PRKX: variants seen among roughly 807,000 people sequenced by gnomAD.
PRKX encodes the protein cAMP-dependent protein kinase catalytic subunit PRKX.
A neutral mutation model predicts 22.0 loss-of-function variants in PRKX; 12 were observed. The ratio of observed to expected loss-of-function variants is 0.54; its 90% confidence interval spans 0.35 to 0.88. The LOEUF (loss-of-function observed/expected upper bound fraction) is 0.88, where lower values mean the gene tolerates loss of function less well. Among genes scored for constraint, PRKX ranks in the 40% least tolerant of loss-of-function variants. The pLI is 0.01. For synonymous variants in PRKX, 134 were observed against 137.7 expected (o/e 0.97, Z 0.19); for missense variants, 217 against 308.0 (o/e 0.70, Z 2.21).
At chrX:3,645,832 G>A (rs975246079) in intron 3 of PRKX, among the ~76,000 whole-genome samples, 2 of 112,406 alleles carry the variant, frequency 1.8e-5, no homozygotes, top group African/African-American at 6.5e-5. Flanking sequence ...TACTCAGGAG[G>A]CTGAGGGAGG....
intron 1 of PRKX, among the ~76,000 whole-genome samples, chrX:3,688,233 G>C (rs766919148): frequency 0.078 from 7,751 of 99,065 alleles, 587 homozygotes; most frequent in East Asian, 0.25. Flanking sequence ...ATGATCTGAG[G>C]CCAAGAGTTC....
chrX:3,630,367 T>G (rs771267105), intron 4 of PRKX, among the ~76,000 whole-genome samples: 1 of 111,160 alleles, frequency 9.0e-6, no homozygotes, highest in Non-Finnish European at 1.9e-5. Flanking sequence ...GAGACCATCC[T>G]GGCTAACACA....
chrX:3,700,737 C>A (rs1053159191), intron 1 of PRKX, among the ~76,000 whole-genome samples: 1 of 83,772 alleles, frequency 1.2e-5, no homozygotes, highest in East Asian at 2.9e-4. Flanking sequence ...TGCCACCACG[C>A]CCAGCTAATT....
chrX:3,613,322 C>T (rs758514633), intron 7 of PRKX, among the ~76,000 whole-genome samples: 2 of 109,603 alleles, frequency 1.8e-5, no homozygotes. Context: ...ATGCATGTAT[C>T]CATGTGGGTT....
At chrX:3,685,679 G>T (rs1273820483) in intron 1 of PRKX, among the ~76,000 whole-genome samples, 2 of 110,203 alleles carry the variant, frequency 1.8e-5, no homozygotes, top group Non-Finnish European at 3.8e-5. Context: ...GGGTGATTTT[G>T]TTGTATGTAC....
At chrX:3,640,590 G>C (rs1460578636) in intron 4 of PRKX, among the ~76,000 whole-genome samples, 2 of 111,801 alleles carry the variant, frequency 1.8e-5, no homozygotes, top group African/African-American at 6.5e-5. Flanking sequence ...TGTGGTTGCA[G>C]GGTGGATGGC....
At chrX:3,625,395 C>T (rs1468360515) in intron 5 of PRKX, among the ~76,000 whole-genome samples, 1 of 111,515 alleles carries the variant, frequency 9.0e-6, no homozygotes, top group Non-Finnish European at 1.9e-5. Flanking sequence ...GAAAATAGAC[C>T]ATGGAAAAGA....
At chrX:3,628,016 G>A (rs769791453) in intron 4 of PRKX, among the ~76,000 whole-genome samples, 2 of 110,822 alleles carry the variant, frequency 1.8e-5, no homozygotes, top group Non-Finnish European at 3.8e-5. Flanking sequence ...CAGATGAGCA[G>A]ATAGGTAAAG....
At chrX:3,649,052 A>C (rs1927255323) in intron 3 of PRKX, among the ~76,000 whole-genome samples, 1 of 112,123 alleles carries the variant, frequency 8.9e-6, no homozygotes, top group African/African-American at 3.2e-5. Flanking sequence ...AAGGTTGAGC[A>C]TCTTTAATCC....
intron 5 of PRKX, among the ~76,000 whole-genome samples, chrX:3,623,690 G>A (rs1926605114): frequency 9.0e-6 from 1 of 111,626 alleles, no homozygotes; most frequent in Non-Finnish European, 1.9e-5. Flanking sequence ...AGCTGTAGAT[G>A]GGTCCCTTGA....
rs369361329 is a variant in PRKX, at chrX:3,703,669, G to T, written c.166+9419C>A. Among the ~76,000 whole-genome samples the T allele has an allele frequency of 1.5e-3, 98 of 64,108 alleles. 1 individual carries two copies. Among genetic ancestry groups the T allele is most frequent in the African/African-American group, 5.1e-3 (68 of 13,301 alleles). 55.7% of individuals were successfully genotyped at this position (64,108 alleles called of 115,157 possible). A position where few individuals can be genotyped will look rare whatever the true frequency, so the allele number is the denominator to read the frequency against. Reference sequence around the variant, plus strand: ...AATGTGTTTTTGGGTTTTTTTGGTTGTTTTTTTTTTTTTTTTTTTGAGATG... The same window carrying T: ...AATGTGTTTTTGGGTTTTTTTGGTTTTTTTTTTTTTTTTTTTTTTGAGATG... On this transcript the variant is annotated intron_variant, in intron 1 of 8. Coordinates refer to ENST00000262848, the MANE Select transcript of PRKX (RefSeq NM_005044.5).
intron 4 of PRKX, among the ~76,000 whole-genome samples, chrX:3,638,505 T>C (rs1334681437): frequency 8.9e-6 from 1 of 111,772 alleles, no homozygotes; most frequent in Non-Finnish European, 1.9e-5. Context: ...AATGTGGTGC[T>C]TTTCCTTGGG....
intron 1 of PRKX, among the ~76,000 whole-genome samples, chrX:3,683,628 G>A (rs184820401): frequency 9.0e-6 from 1 of 111,349 alleles, no homozygotes; most frequent in East Asian, 2.8e-4. Flanking sequence ...CTTGAGGCCG[G>A]GAGTTCAAGA....
chrX:3,647,532 CTT>C (rs1389535828), intron 3 of PRKX, among the ~76,000 whole-genome samples: 15 of 103,049 alleles, frequency 1.5e-4, no homozygotes, highest in African/African-American at 5.2e-4. Flanking sequence ...ACATTAATAT[CTT>C]TATGTATTAA....
At chrX:3,635,594 TTTTC>T (rs1926871390) in intron 4 of PRKX, among the ~76,000 whole-genome samples, 1 of 110,470 alleles carries the variant, frequency 9.1e-6, no homozygotes, top group South Asian at 3.9e-4. Flanking sequence ...TGATTTTTTT[TTTTC>T]TTTTTCTGAG....
intron 2 of PRKX, among the ~76,000 whole-genome samples, chrX:3,656,902 G>C (rs1165031076): frequency 9.0e-6 from 1 of 111,692 alleles, no homozygotes; most frequent in East Asian, 2.8e-4. Context: ...GAACTGCGTG[G>C]TAAGGGCCCA....
intron 1 of PRKX, among the ~76,000 whole-genome samples, chrX:3,695,947 C>G (rs1444527089): frequency 1.8e-5 from 2 of 111,587 alleles, no homozygotes; most frequent in Non-Finnish European, 3.8e-5. Context: ...CTACCCAGTG[C>G]CTGCCTTTTC....
intron 1 of PRKX, among the ~76,000 whole-genome samples, chrX:3,699,493 C>T (rs142314866): frequency 0.011 from 1,184 of 110,918 alleles, 14 homozygotes; most frequent in African/African-American, 0.037. Context: ...GCTGGGATTA[C>T]AAGCACCTGC....
chrX:3,647,176 C>T (rs1927205672), intron 3 of PRKX, among the ~76,000 whole-genome samples: 2 of 108,056 alleles, frequency 1.9e-5, no homozygotes, highest in South Asian at 7.8e-4. Flanking sequence ...AAATGTGTAA[C>T]ACATACTAAT....
Sources: allele counts gnomAD v4.1 joint callset (sites outside exome capture counted in the v4.1 genomes callset), GRCh38; gene constraint gnomAD v4.1.1; transcripts MANE v1.5; gene names NCBI Gene and HGNC (gene_info 2026-07-23, HGNC 2026-07-21).